The following SPOCK1 variants were observed in gnomAD, a reference collection of about 807,000 sequenced individuals.
The protein encoded by SPOCK1 is SPARC (osteonectin), cwcv and kazal like domains proteoglycan 1.
Under a neutral mutation model 55.3 loss-of-function variants are expected in SPOCK1, and 23 were observed. That is an observed-to-expected ratio of 0.42 (90% CI 0.30 to 0.59). The LOEUF (loss-of-function observed/expected upper bound fraction) is 0.59. Among genes scored for constraint, SPOCK1 ranks in the 20% least tolerant of loss-of-function variants. The probability of loss-of-function intolerance (pLI) is 0.22; values close to 1 mark genes in which losing one functional copy is unlikely to be tolerated. For missense variants in SPOCK1, 499 were observed against 552.5 expected (o/e 0.90, Z 0.97); for synonymous variants, 226 against 221.0 (o/e 1.02, Z -0.20).
At chr5:137,032,006 TAAAA>T (rs1453494007) in intron 6 of SPOCK1, among the ~76,000 whole-genome samples, 5 of 147,702 alleles carry the variant, frequency 3.4e-5, no homozygotes, top group Non-Finnish European at 6.0e-5. Flanking sequence ...TAATATATAA[TAAAA>T]AGAAATATAT....
intron 3 of SPOCK1, among the ~76,000 whole-genome samples, chr5:137,203,355 C>T (rs372580852): frequency 2.8e-4 from 42 of 152,022 alleles, no homozygotes; most frequent in African/African-American, 8.9e-4. Context: ...ATAAGGTTCA[C>T]GAGAGCTTCA....
intron 2 of SPOCK1, among the ~76,000 whole-genome samples, chr5:137,419,299 C>T (rs1016373595): frequency 5.9e-5 from 9 of 151,994 alleles, no homozygotes; most frequent in Non-Finnish European, 1.0e-4. Context: ...TTTTTGGTTC[C>T]ATATGAACTT....
chr5:136,995,914 T>C (rs775902940), intron 6 of SPOCK1, among the ~76,000 whole-genome samples: 2 of 152,192 alleles, frequency 1.3e-5, no homozygotes, highest in Non-Finnish European at 2.9e-5. Flanking sequence ...GAGGAGGCTC[T>C]CAGTTACTGG....
chr5:137,161,001 CTG>C (rs1754543016), intron 3 of SPOCK1, among the ~76,000 whole-genome samples: 2 of 47,996 alleles, frequency 4.2e-5, no homozygotes, highest in African/African-American at 7.4e-5. Flanking sequence ...AATGAAGAAA[CTG>C]TGAGATATAT....
intron 2 of SPOCK1, among the ~76,000 whole-genome samples, chr5:137,419,288 T>G (rs1222228530): frequency 6.6e-6 from 1 of 152,234 alleles, no homozygotes; most frequent in African/African-American, 2.4e-5. Context: ...ATGCAGGCTC[T>G]TTTTTGGTTC....
rs111723053 is a variant in SPOCK1 at position 137,058,720 on chromosome 5, A to C, written c.589+8995T>G. Among the ~76,000 whole-genome samples the C allele has an allele frequency of 7.3e-4, 111 of 152,338 alleles. 1 individual carries two copies. The highest frequency in any genetic ancestry group is 2.6e-3 in the African/African-American group (108 of 41,582). On this transcript the variant is annotated intron_variant, in intron 6 of 10. Coordinates refer to ENST00000394945, the MANE Select transcript of SPOCK1 (RefSeq NM_004598.4). ...AAGTTCAGGGGAAGGTTTCCTGAGA[A>C]GGTGACATTTGTGCAAAGATTTAAA...
At chr5:137,106,992 C>T (rs1478840699) in intron 5 of SPOCK1, among the ~76,000 whole-genome samples, 1 of 152,142 alleles carries the variant, frequency 6.6e-6, no homozygotes, top group Non-Finnish European at 1.5e-5. Flanking sequence ...GTGCCCCCAG[C>T]TCTTACTCTG....
intron 2 of SPOCK1, among the ~76,000 whole-genome samples, chr5:137,411,574 T>C (rs1341204187): frequency 6.6e-6 from 1 of 152,238 alleles, no homozygotes; most frequent in African/African-American, 2.4e-5. Flanking sequence ...TGTTCTGGAA[T>C]GCACCTTGGA....
intron 2 of SPOCK1, among the ~76,000 whole-genome samples, chr5:137,457,893 A>G (rs1753399656): frequency 6.6e-6 from 1 of 152,242 alleles, no homozygotes; most frequent in South Asian, 2.1e-4. Flanking sequence ...ACCAAAGGAT[A>G]CAAAATGAGA....
At chr5:137,280,604 T>A (rs1043589799) in intron 2 of SPOCK1, among the ~76,000 whole-genome samples, 1 of 152,228 alleles carries the variant, frequency 6.6e-6, no homozygotes, top group Non-Finnish European at 1.5e-5. Flanking sequence ...CCTTTCCTGT[T>A]AAATAACTTA....
At chr5:137,061,104 T>G (rs1752386789) in intron 6 of SPOCK1, among the ~76,000 whole-genome samples, 1 of 152,242 alleles carries the variant, frequency 6.6e-6, no homozygotes, top group Admixed American at 6.5e-5. Context: ...GAAAGGTTAG[T>G]ATAAACTGCT....
intron 2 of SPOCK1, among the ~76,000 whole-genome samples, chr5:137,302,903 C>T (rs1757629677): frequency 6.6e-6 from 1 of 152,092 alleles, no homozygotes; most frequent in South Asian, 2.1e-4. Context: ...AGATGTGGAA[C>T]AGGTACAGGG....
intron 2 of SPOCK1, among the ~76,000 whole-genome samples, chr5:137,481,074 T>G (rs2149842381): frequency 6.6e-6 from 1 of 152,348 alleles, no homozygotes; most frequent in East Asian, 1.9e-4. Flanking sequence ...CCTGGCTGTG[T>G]GAGGCTCTGA....
At position 136,977,568 on chromosome 5, in the gene SPOCK1, T is replaced by C. The variant is rs1220116214; in HGVS notation, c.*1086A>G. 7.9e-6 allele frequency: 3 copies of C among 380,704 alleles called. No individual in the cohort carries two copies. The highest frequency in any genetic ancestry group is 7.5e-5 in the East Asian group (2 of 26,794). The allele number at this position is 380,704 out of a possible 1,614,324, so 23.6% of individuals were successfully genotyped here. ...ACTCTCAGAGAACAGGAGATATGTGTGCATGCCTTAGAAAAAGCCCTTGAG... is the reference window on the plus strand; with the variant it reads ...ACTCTCAGAGAACAGGAGATATGTGCGCATGCCTTAGAAAAAGCCCTTGAG... On this transcript the variant is annotated 3_prime_UTR_variant, in exon 11 of 11. Coordinates refer to ENST00000394945, the MANE Select transcript of SPOCK1 (RefSeq NM_004598.4).
intron 4 of SPOCK1, among the ~76,000 whole-genome samples, chr5:137,119,351 G>A (rs1753645640): frequency 6.6e-6 from 1 of 152,186 alleles, no homozygotes; most frequent in South Asian, 2.1e-4. Context: ...AATGTTAATT[G>A]AAATGAAAAA....
chr5:137,270,105 C>G (rs1419081383), intron 2 of SPOCK1, among the ~76,000 whole-genome samples: 1 of 152,194 alleles, frequency 6.6e-6, no homozygotes, highest in African/African-American at 2.4e-5. Context: ...CTGAAGCTGA[C>G]AAAGTGCAGG....
At chr5:137,032,063 T>C (rs1751792084) in intron 6 of SPOCK1, among the ~76,000 whole-genome samples, 1 of 148,288 alleles carries the variant, frequency 6.7e-6, no homozygotes, top group Non-Finnish European at 1.5e-5. Flanking sequence ...AAAATAAATA[T>C]ATAATATATA....
At chr5:136,989,544 T>C (rs1750908456) in intron 7 of SPOCK1, among the ~76,000 whole-genome samples, 2 of 152,220 alleles carry the variant, frequency 1.3e-5, no homozygotes, top group Admixed American at 6.5e-5. Context: ...AAGCACTTTG[T>C]ACTTAATTTT....
At chr5:137,268,562 ATTAAG>A (rs1190902590) in intron 2 of SPOCK1, among the ~76,000 whole-genome samples, 3 of 152,188 alleles carry the variant, frequency 2.0e-5, no homozygotes, top group Admixed American at 6.5e-5. Flanking sequence ...GTTAAATGAT[ATTAAG>A]TTAAAAGTTG....
Sources: allele counts gnomAD v4.1 joint callset (sites outside exome capture counted in the v4.1 genomes callset), GRCh38; gene constraint gnomAD v4.1.1; transcripts MANE v1.5; gene names NCBI Gene and HGNC (gene_info 2026-07-23, HGNC 2026-07-21).